Variants in MACROD2 observed in about 807,000 individuals in gnomAD.
MACROD2 encodes the protein mono-ADP ribosylhydrolase 2.
A neutral mutation model predicts 70.4 loss-of-function variants in MACROD2; 36 were observed. The ratio of observed to expected loss-of-function variants is 0.51; its 90% CI spans 0.39 to 0.68. The LOEUF is 0.68. Among genes scored for constraint, MACROD2 ranks in the 30% least tolerant of loss-of-function variants. The pLI, the probability that MACROD2 is intolerant of heterozygous loss-of-function variation, is 0.00. For missense variants in MACROD2, 496 were observed against 538.4 expected, an observed-to-expected ratio of 0.92 and a Z score of 0.78; for synonymous variants, 172 against 178.8, an observed-to-expected ratio of 0.96 and a Z score of 0.30.
chr20:14,051,913 A>G (rs757758418), intron 2 of MACROD2: 6 of 517,636 alleles, frequency 1.2e-5, no homozygotes, highest in Non-Finnish European at 2.3e-5. Flanking sequence ...ACCCTCCACC[A>G]TCATTCAGGA....
At chr20:15,721,816 C>T (rs6079943) in intron 8 of MACROD2, among the ~76,000 whole-genome samples, 3 of 151,972 alleles carry the variant, frequency 2.0e-5, no homozygotes, top group Non-Finnish European at 4.4e-5. Context: ...ATAAATATTC[C>T]TGATAACCAT....
At chr20:15,027,597 T>C (rs898284828) in intron 5 of MACROD2, among the ~76,000 whole-genome samples, 2 of 151,708 alleles carry the variant, frequency 1.3e-5, no homozygotes, top group East Asian at 3.9e-4. Context: ...AGTTTAGCCT[T>C]GGCACAGTGG....
intron 5 of MACROD2, among the ~76,000 whole-genome samples, chr20:14,903,249 C>A (rs2122560040): frequency 6.6e-6 from 1 of 152,088 alleles, no homozygotes; most frequent in South Asian, 2.1e-4. Flanking sequence ...CCATATTGGC[C>A]AAGCTGGTCT....
intron 8 of MACROD2, among the ~76,000 whole-genome samples, chr20:15,861,322 C>T (rs745666118): frequency 7.9e-5 from 12 of 152,196 alleles, no homozygotes; most frequent in Non-Finnish European, 1.2e-4. Flanking sequence ...GATGAGCATT[C>T]ACTATTGCAC....
At chr20:15,216,706 CTG>C (rs1486745734) in intron 5 of MACROD2, among the ~76,000 whole-genome samples, 1 of 152,160 alleles carries the variant, frequency 6.6e-6, no homozygotes, top group Non-Finnish European at 1.5e-5. Context: ...AACTTTCACA[CTG>C]AGAAGTCAAA....
At chr20:14,095,910 C>A (rs1370612075) in intron 3 of MACROD2, among the ~76,000 whole-genome samples, 3 of 152,120 alleles carry the variant, frequency 2.0e-5, no homozygotes, top group Admixed American at 1.3e-4. Flanking sequence ...AGGATTATAT[C>A]CAAATATTTT....
At chr20:15,626,355 A>C (rs187027308) in intron 8 of MACROD2, among the ~76,000 whole-genome samples, 18 of 152,328 alleles carry the variant, frequency 1.2e-4, no homozygotes, top group African/African-American at 4.3e-4. Context: ...TCATCAGTTG[A>C]GATGCAAATA....
chr20:16,007,976 TTGA>T (rs1568704560), intron 15 of MACROD2, among the ~76,000 whole-genome samples: 1 of 152,230 alleles, frequency 6.6e-6, no homozygotes, highest in Non-Finnish European at 1.5e-5. Flanking sequence ...GCAGAAAGCC[TTGA>T]TGATTTCCTT....
At chr20:14,287,108 A>C (rs1169189094) in intron 3 of MACROD2, among the ~76,000 whole-genome samples, 1 of 152,104 alleles carries the variant, frequency 6.6e-6, no homozygotes, top group Non-Finnish European at 1.5e-5. Flanking sequence ...ACTGTGTCCT[A>C]TCCTACTCTC....
At chr20:16,002,902 G>A (rs2066729898) in intron 15 of MACROD2, among the ~76,000 whole-genome samples, 1 of 152,264 alleles carries the variant, frequency 6.6e-6, no homozygotes, top group African/African-American at 2.4e-5. Context: ...TTTGGGTGGT[G>A]ATGAGGCAAA....
At chr20:14,625,379 G>A (rs1984086027) in intron 4 of MACROD2, among the ~76,000 whole-genome samples, 1 of 151,772 alleles carries the variant, frequency 6.6e-6, no homozygotes, top group Non-Finnish European at 1.5e-5. Flanking sequence ...TATAGGAAGT[G>A]GTATATAGAT....
rs531742080 is a variant in MACROD2, at chr20:15,046,549, A to G, written c.419-183391A>G. 2.2e-4 allele frequency among the ~76,000 whole-genome samples: 34 copies of G among 152,328 alleles called. 1 individual carries two copies. The highest frequency in any genetic ancestry group is 3.4e-3 in the Middle Eastern group (1 of 294). ...CATGTGTACCTAGGTATGTGTGCGC[A>G]CACACACATGCATGTATGTATTAAG... On this transcript the variant is annotated intron_variant, in intron 5 of 17. Coordinates refer to ENST00000684519, the MANE Select transcript of MACROD2 (RefSeq NM_001351661.2).
chr20:14,942,768 C>T (rs2074401032), intron 5 of MACROD2, among the ~76,000 whole-genome samples: 1 of 43,948 alleles, frequency 2.3e-5, no homozygotes, highest in Non-Finnish European at 4.9e-5. Flanking sequence ...GCATATGAGC[C>T]TAAAAGCCTA....
At chr20:14,541,677 A>G (rs1438663974) in intron 4 of MACROD2, among the ~76,000 whole-genome samples, 1 of 152,104 alleles carries the variant, frequency 6.6e-6, no homozygotes, top group Admixed American at 6.6e-5. Flanking sequence ...AATGGTGTCT[A>G]TAAAACCGCC....
At chr20:14,658,882 G>A (rs1045737495) in intron 4 of MACROD2, among the ~76,000 whole-genome samples, 4 of 152,080 alleles carry the variant, frequency 2.6e-5, no homozygotes, top group African/African-American at 7.2e-5. Flanking sequence ...CCAGAGTGTG[G>A]GATTACAGGC....
intron 5 of MACROD2, among the ~76,000 whole-genome samples, chr20:15,226,473 T>A (rs554072964): frequency 4.3e-4 from 65 of 152,350 alleles, no homozygotes; most frequent in Middle Eastern, 3.4e-3. Context: ...GCATTGTCCA[T>A]AGACTTTGCA....
At chr20:15,994,670 C>T (rs1257330087) in intron 15 of MACROD2, among the ~76,000 whole-genome samples, 1 of 151,948 alleles carries the variant, frequency 6.6e-6, no homozygotes, top group Non-Finnish European at 1.5e-5. Context: ...TCTCTTAAGA[C>T]TTAAGTCTGT....
In MACROD2 at chr20:15,056,916, T is replaced by A. The variant is rs181228302; in HGVS notation, c.419-173024T>A. Among the ~76,000 whole-genome samples the A allele has an allele frequency of 3.9e-5, 6 of 152,258 alleles. No individual in the cohort carries two copies. The South Asian group carries it at 6.2e-4, about 16-fold the overall frequency. ...GGGATAGTAAAAATAAGTTGTAACT[T>A]TGTTAATAGAAGCCAAAATAAATTT... is the stretch of plus-strand genomic sequence containing the variant. On this transcript the variant is annotated intron_variant, in intron 5 of 17. Coordinates refer to ENST00000684519, the MANE Select transcript of MACROD2 (RefSeq NM_001351661.2).
intron 5 of MACROD2, among the ~76,000 whole-genome samples, chr20:15,191,909 CAT>C (rs1454339295): frequency 2.0e-5 from 2 of 100,978 alleles, no homozygotes; most frequent in East Asian, 7.0e-4. Flanking sequence ...GAAAACTACA[CAT>C]ATGTGTATAT....
Sources: allele counts gnomAD v4.1 joint callset (sites outside exome capture counted in the v4.1 genomes callset), GRCh38; gene constraint gnomAD v4.1.1; transcripts MANE v1.5; gene names NCBI Gene and HGNC (gene_info 2026-07-23, HGNC 2026-07-21).